ERC2: variants seen among roughly 807,000 people sequenced by gnomAD.
ERC2 encodes the protein ERC protein 2.
In ERC2, 42 loss-of-function variants were observed where a neutral mutation model predicts 114.8. The ratio of observed to expected loss-of-function variants is 0.37; its 90% CI spans 0.29 to 0.47. The LOEUF (loss-of-function observed/expected upper bound fraction) is 0.47, where lower values mean the gene tolerates loss of function less well. Among genes scored for constraint, ERC2 ranks in the 20% least tolerant of loss-of-function variants. The pLI, the probability that ERC2 is intolerant of heterozygous loss-of-function variation, is 0.99. For synonymous variants in ERC2, 454 were observed against 425.5 expected (o/e 1.07, Z -0.82); for missense variants, 939 against 1,150.7 (o/e 0.82, Z 2.66).
chr3:55,952,179 ACTCTCTCT>A (rs775838556), intron 12 of ERC2, among the ~76,000 whole-genome samples: 1,070 of 61,980 alleles, frequency 0.017, 57 homozygotes, highest in African/African-American at 0.046. Context: ...ACACACACAC[ACTCTCTCT>A]CTCTCTCTCT....
intron 14 of ERC2, among the ~76,000 whole-genome samples, chr3:55,745,971 A>G (rs1275081176): frequency 6.6e-6 from 1 of 152,164 alleles, no homozygotes; most frequent in Non-Finnish European, 1.5e-5. Context: ...GCTAATATTT[A>G]TTTCTCAGTC....
chr3:55,837,498 G>A (rs188170803), intron 14 of ERC2, among the ~76,000 whole-genome samples: 8 of 151,002 alleles, frequency 5.3e-5, no homozygotes, highest in East Asian at 2.0e-4. Flanking sequence ...GCAAACTGTC[G>A]CAAGGACAAA....
chr3:55,927,711 T>C (rs1284636408), intron 13 of ERC2, among the ~76,000 whole-genome samples: 2 of 152,176 alleles, frequency 1.3e-5, no homozygotes, highest in Non-Finnish European at 2.9e-5. Flanking sequence ...TCTAACTATA[T>C]TTTTGTACCA....
At chr3:56,292,595 G>A (rs575487355) in intron 3 of ERC2, among the ~76,000 whole-genome samples, 81 of 140,158 alleles carry the variant, frequency 5.8e-4, no homozygotes, top group African/African-American at 1.7e-3. Context: ...GTCCCCCACC[G>A]CCCCCCGCAA....
intron 3 of ERC2, among the ~76,000 whole-genome samples, chr3:56,290,535 T>C (rs951513785): frequency 3.9e-5 from 6 of 152,356 alleles, no homozygotes; most frequent in Non-Finnish European, 5.9e-5. Flanking sequence ...ATAGAATGTA[T>C]TGAATCTGTA....
intron 5 of ERC2, among the ~76,000 whole-genome samples, chr3:56,143,702 A>G (rs2080992432): frequency 6.6e-6 from 1 of 152,214 alleles, no homozygotes; most frequent in African/African-American, 2.4e-5. Context: ...TAATACATAC[A>G]TAACCCATGC....
At chr3:55,953,920 C>T (rs1410468784) in intron 12 of ERC2, among the ~76,000 whole-genome samples, 1 of 151,902 alleles carries the variant, frequency 6.6e-6, no homozygotes, top group African/African-American at 2.4e-5. Flanking sequence ...GTGCTAAATT[C>T]AGTACAGCTT....
intron 14 of ERC2, among the ~76,000 whole-genome samples, chr3:55,879,079 C>CT (rs963296731): frequency 9.6e-5 from 8 of 83,182 alleles, no homozygotes; most frequent in African/African-American, 1.9e-4. Context: ...TTTTTCTTTT[C>CT]TTTTTTTTTC....
At chr3:55,845,436 G>A (rs2061317553) in intron 14 of ERC2, among the ~76,000 whole-genome samples, 1 of 145,094 alleles carries the variant, frequency 6.9e-6, no homozygotes, top group African/African-American at 2.6e-5. Flanking sequence ...CCCGGGAGGC[G>A]GAGCTTGCAG....
chr3:56,159,093 C>A (rs1258990477), intron 4 of ERC2, among the ~76,000 whole-genome samples: 1 of 152,044 alleles, frequency 6.6e-6, no homozygotes, highest in African/African-American at 2.4e-5. Context: ...GGCACCCCCC[C>A]ACCCCACCTG....
At chr3:55,515,858 T>C (rs1383936104) in intron 17 of ERC2, among the ~76,000 whole-genome samples, 2 of 152,180 alleles carry the variant, frequency 1.3e-5, no homozygotes, top group African/African-American at 2.4e-5. Flanking sequence ...GGCTTTCTTC[T>C]CCTGCCCTTT....
At chr3:56,200,204 A>C (rs942561621) in intron 3 of ERC2, among the ~76,000 whole-genome samples, 43 of 152,004 alleles carry the variant, frequency 2.8e-4, no homozygotes, top group Non-Finnish European at 1.8e-4. Flanking sequence ...CCATTACTGC[A>C]TTACTCTTCC....
Position 56,443,958 on chromosome 3 carries a change from A to ATTTTTTTTTTT in ERC2, c.-140-8822_-140-8812dup, listed in dbSNP as rs11343406. 2.0e-3 allele frequency among the ~76,000 whole-genome samples: 161 copies of ATTTTTTTTTTT among 80,210 alleles called. 4 individuals are homozygous for ATTTTTTTTTTT. Among genetic ancestry groups the ATTTTTTTTTTT allele is most frequent in the East Asian group, 6.3e-3 (14 of 2,218 alleles). 52.6% of individuals were successfully genotyped at this position (80,210 alleles called of 152,430 possible). A position where few individuals can be genotyped will look rare whatever the true frequency, so the allele number is the denominator to read the frequency against. ...TGTGAACTCTTTAAAAATACCTACA[A>ATTTTTTTTTTT]TTTTTTTTTTTTTTTTTTGGTTGAG... is the stretch of plus-strand genomic sequence containing the variant. On this transcript the variant is annotated intron_variant, in intron 1 of 17. Transcript: ENST00000288221.
chr3:56,088,307 T>C (rs1020505673), intron 6 of ERC2, among the ~76,000 whole-genome samples: 1 of 152,172 alleles, frequency 6.6e-6, no homozygotes, highest in Admixed American at 6.6e-5. Flanking sequence ...AATAAACTCG[T>C]ATGATTTTGC....
At chr3:56,027,177 C>T (rs964700236) in intron 7 of ERC2, among the ~76,000 whole-genome samples, 3 of 152,138 alleles carry the variant, frequency 2.0e-5, no homozygotes, top group Non-Finnish European at 4.4e-5. Context: ...GTAGGTATTC[C>T]ATGGCATGGA....
chr3:56,431,010 C>T (rs1452023610), intron 2 of ERC2, among the ~76,000 whole-genome samples: 1 of 152,096 alleles, frequency 6.6e-6, no homozygotes, highest in African/African-American at 2.4e-5. Flanking sequence ...ACTGTGTGAA[C>T]TTGGATAAGT....
intron 17 of ERC2, among the ~76,000 whole-genome samples, chr3:55,524,508 T>TG (rs1047243244): frequency 2.0e-5 from 3 of 150,996 alleles, no homozygotes; most frequent in African/African-American, 4.9e-5. Flanking sequence ...TGGTTTTTTT[T>TG]TTTTTTTTTT....
intron 5 of ERC2, among the ~76,000 whole-genome samples, chr3:56,143,848 C>A (rs1235085134): frequency 6.6e-6 from 1 of 152,110 alleles, no homozygotes; most frequent in African/African-American, 2.4e-5. Flanking sequence ...TTGCTTTCAG[C>A]AAGAAAACTG....
intron 7 of ERC2, among the ~76,000 whole-genome samples, chr3:56,024,650 T>C (rs1377957276): frequency 2.6e-5 from 4 of 152,198 alleles, no homozygotes; most frequent in African/African-American, 9.7e-5. Context: ...TCATCTTCCA[T>C]AGTGAGATGT....
Sources: gnomAD v4.1 joint callset for allele counts (sites outside exome capture counted in the v4.1 genomes callset) on GRCh38, gnomAD v4.1.1 for gene constraint, MANE v1.5 for transcripts, NCBI Gene and HGNC (gene_info 2026-07-23, HGNC 2026-07-21) for gene names.